The following LRRFIP1 variants were observed in gnomAD, a reference collection of about 807,000 sequenced individuals.
LRRFIP1 encodes the protein LRR binding FLII interacting protein 1.
In LRRFIP1, 62 loss-of-function variants were observed where a neutral mutation model predicts 104.4. The observed-to-expected ratio is 0.59, with a 90% CI of 0.48 to 0.73. The LOEUF (loss-of-function observed/expected upper bound fraction) is 0.73, where lower values mean the gene tolerates loss of function less well. LRRFIP1 is among the 30% of genes least tolerant of loss of function. The pLI is 0.00. For missense variants in LRRFIP1, 796 were observed against 824.5 expected, an observed-to-expected ratio of 0.97 and a Z score of 0.42; for synonymous variants, 300 against 299.0, an observed-to-expected ratio of 1.00 and a Z score of -0.03.
rs1375915171 is a variant in LRRFIP1, at chr2:237,723,546, A to G, written c.346-2A>G. 3 of 1,613,834 alleles carry G rather than the reference A, an allele frequency of 1.9e-6. No individual in the cohort carries two copies. Among genetic ancestry groups the G allele is most frequent in the Non-Finnish European group, 1.7e-6 (2 of 1,179,832 alleles). The stretch of plus-strand genomic sequence containing the variant: ...TTTTTTCTGCCATCTTTCTTCTGAC[A>G]GTCGCAGCCTGACTTGGAGTATGGG... On this transcript the variant is annotated splice_acceptor_variant, in intron 6 of 23. Coordinates refer to ENST00000308482, the MANE Select transcript of LRRFIP1 (RefSeq NM_001137550.2). LOFTEE classifies it high-confidence loss of function.
chr2:237,765,605 A>G (rs1189537610), intron 19 of LRRFIP1: 1 of 974,782 alleles, frequency 1.0e-6, no homozygotes, highest in Non-Finnish European at 1.2e-6. Flanking sequence ...GTATTTTGGT[A>G]TAAATATTTT....
chr2:237,669,327 G>GCA (rs2089984143), intron 1 of LRRFIP1, among the ~76,000 whole-genome samples: 1 of 152,194 alleles, frequency 6.6e-6, no homozygotes, highest in African/African-American at 2.4e-5. Context: ...CATTTGTGTT[G>GCA]TCTGAGAGTG....
intron 3 of LRRFIP1, among the ~76,000 whole-genome samples, chr2:237,715,596 G>T (rs184834773): frequency 4.5e-4 from 68 of 152,376 alleles, no homozygotes; most frequent in African/African-American, 1.5e-3. Context: ...AGGAGCAGAG[G>T]CACAGTTTTG....
rs2085620573 is a variant in LRRFIP1, at chr2:237,649,838, CG to C, written c.96+22099del. Among the ~76,000 whole-genome samples, 1 of 150,740 alleles carries C rather than the reference CG, an allele frequency of 6.6e-6. No individual in the cohort carries two copies. Among genetic ancestry groups the C allele is most frequent in the East Asian group, 1.9e-4 (1 of 5,180 alleles). On this transcript the variant is annotated intron_variant, in intron 1 of 23. Coordinates refer to ENST00000308482, the MANE Select transcript of LRRFIP1 (RefSeq NM_001137550.2). This position sits in a 1 kb window ranked among gnomAD's most constrained non-coding sequence, Gnocchi z 4.1. ...CTCATTCATGTATTCACTTTTCCTC[CG>C]ATTCAACAAAAAAAAAAATTGATTA...
At chr2:237,705,329 AACAC>A (rs928153710) in intron 1 of LRRFIP1, among the ~76,000 whole-genome samples, 16 of 152,198 alleles carry the variant, frequency 1.1e-4, no homozygotes, top group Admixed American at 6.5e-4. Context: ...GGCTTAGAAT[AACAC>A]ACAGTTATGA....
chr2:237,661,340 C>A lies in LRRFIP1; in HGVS notation c.96+33600C>A, dbSNP rs1221385246. ...CATAATGGAGGCTGGACTGTGTGTC[C>A]AGTCCACCCAGATGCCACCATGCCT... On this transcript the variant is annotated intron_variant, in intron 1 of 23. Coordinates refer to ENST00000308482, the MANE Select transcript of LRRFIP1 (RefSeq NM_001137550.2). The surrounding 1 kb of genome is among the most constrained non-coding windows in gnomAD (Gnocchi z 4.4). Among the ~76,000 whole-genome samples the A allele has an allele frequency of 6.6e-6, 1 of 152,120 alleles. No homozygotes were observed. Among genetic ancestry groups the A allele is most frequent in the East Asian group, 1.9e-4 (1 of 5,194 alleles).
intron 11 of LRRFIP1, among the ~76,000 whole-genome samples, chr2:237,741,214 A>G (rs972265909): frequency 6.6e-6 from 1 of 152,240 alleles, no homozygotes; most frequent in African/African-American, 2.4e-5. Context: ...AGGCAATAAC[A>G]GGAAGATACT....
At chr2:237,681,742 GGA>G in intron 1 of LRRFIP1, among the ~76,000 whole-genome samples, 8 of 116,082 alleles carry the variant, frequency 6.9e-5, no homozygotes, top group Non-Finnish European at 1.2e-4. Context: ...TGCAGTGGCG[GGA>G]TCTCGGCTCA....
intron 9 of LRRFIP1, among the ~76,000 whole-genome samples, chr2:237,734,404 C>G (rs975109836): frequency 6.6e-6 from 1 of 151,458 alleles, no homozygotes; most frequent in East Asian, 1.9e-4. Flanking sequence ...CCTCAGCCTC[C>G]TGGGTAGCTG....
chr2:237,722,437 A>G (rs995556394), intron 6 of LRRFIP1, among the ~76,000 whole-genome samples: 1 of 152,184 alleles, frequency 6.6e-6, no homozygotes, highest in African/African-American at 2.4e-5. Flanking sequence ...ATGAACGAGT[A>G]TTACGGTGTT....
At chr2:237,641,830 T>C (rs768402969) in intron 1 of LRRFIP1, among the ~76,000 whole-genome samples, 5 of 152,220 alleles carry the variant, frequency 3.3e-5, no homozygotes, top group Non-Finnish European at 7.3e-5. Flanking sequence ...TGTCTTGCTT[T>C]TAAATTTTTT....
intron 1 of LRRFIP1, among the ~76,000 whole-genome samples, chr2:237,648,135 G>A (rs138919359): frequency 3.9e-5 from 6 of 152,014 alleles, no homozygotes; most frequent in East Asian, 3.9e-4. Flanking sequence ...CTCCACTCGC[G>A]TGTTTCCACA....
At chr2:237,637,648 G>A (rs1198497615) in intron 1 of LRRFIP1, among the ~76,000 whole-genome samples, 1 of 152,164 alleles carries the variant, frequency 6.6e-6, no homozygotes, top group Non-Finnish European at 1.5e-5. Flanking sequence ...GTCTCTGAGA[G>A]CCAGATCTGT....
At chr2:237,712,840 T>C (rs951384188) in intron 2 of LRRFIP1, among the ~76,000 whole-genome samples, 6 of 152,222 alleles carry the variant, frequency 3.9e-5, no homozygotes, top group Admixed American at 3.3e-4. Context: ...CTGGCTATTA[T>C]TAGAACCAGC....
At chr2:237,738,551 T>C (rs1403764017) in intron 10 of LRRFIP1, among the ~76,000 whole-genome samples, 1 of 152,120 alleles carries the variant, frequency 6.6e-6, no homozygotes, top group African/African-American at 2.4e-5. Context: ...AGGAAGAATA[T>C]GAGAATGTTT....
intron 1 of LRRFIP1, among the ~76,000 whole-genome samples, chr2:237,667,330 G>A (rs928277308): frequency 1.3e-5 from 2 of 152,178 alleles, no homozygotes; most frequent in Admixed American, 1.3e-4. Flanking sequence ...TCGTGTGTTA[G>A]TTTGCTGAGA....
chr2:237,764,354 T>C lies in LRRFIP1; in HGVS notation c.1459+4149T>C, dbSNP rs115376688. On this transcript the variant is annotated intron_variant, in intron 19 of 23. Transcript: ENST00000308482. Reference sequence around the variant, plus strand: ...CCAGATTAGAAAGACATATTTGTTATCAGTGTACGTTCTAATTGAGAGCAT... The same window carrying C: ...CCAGATTAGAAAGACATATTTGTTACCAGTGTACGTTCTAATTGAGAGCAT... 9.1e-4 allele frequency: 1,344 copies of C among 1,476,146 alleles called. 9 individuals are homozygous for C. In the African/African-American group the frequency reaches 0.016, roughly 18 times the overall value. 91.4% of individuals were successfully genotyped at this position (1,476,146 alleles called of 1,614,324 possible).
intron 1 of LRRFIP1, among the ~76,000 whole-genome samples, chr2:237,688,915 A>G (rs2092584257): frequency 6.6e-6 from 1 of 152,022 alleles, no homozygotes; most frequent in African/African-American, 2.4e-5. Context: ...CATTTTGTGT[A>G]TCTCCATGTT....
intron 1 of LRRFIP1, among the ~76,000 whole-genome samples, chr2:237,690,153 G>A (rs986029502): frequency 6.6e-6 from 1 of 152,206 alleles, no homozygotes; most frequent in East Asian, 1.9e-4. Context: ...AATTACAGGT[G>A]TCTTCAAGCA....
Sources: gnomAD v4.1 joint callset for allele counts (sites outside exome capture counted in the v4.1 genomes callset) on GRCh38, gnomAD v4.1.1 for gene constraint, Gnocchi (gnomAD v3.1) non-coding constraint, MANE v1.5 for transcripts, NCBI Gene and HGNC (gene_info 2026-07-23, HGNC 2026-07-21) for gene names.